Variants in ENPEP observed in about 807,000 individuals in gnomAD.
ENPEP encodes the protein AP-A.
Under a neutral mutation model 114.5 loss-of-function variants are expected in ENPEP, and 103 were observed. That is an observed-to-expected ratio of 0.90 (90% CI 0.77 to 1.06). ENPEP has a LOEUF of 1.06. Among genes scored for constraint, ENPEP ranks in the 50% least tolerant of loss-of-function variants. The pLI is 0.00. For synonymous variants in ENPEP, 420 were observed against 422.0 expected (o/e 1.00, Z 0.06); for missense variants, 1,196 against 1,161.3 (o/e 1.03, Z -0.43).
At chr4:110,516,027 G>T (rs1313813301) in intron 8 of ENPEP, among the ~76,000 whole-genome samples, 9 of 152,114 alleles carry the variant, frequency 5.9e-5, no homozygotes, top group Admixed American at 1.3e-4. Context: ...TCACACTGGG[G>T]GTTAGGGCTT....
chr4:110,539,200 T>C (rs976285638), intron 11 of ENPEP, among the ~76,000 whole-genome samples: 6 of 152,188 alleles, frequency 3.9e-5, no homozygotes, highest in Admixed American at 3.3e-4. Flanking sequence ...AAATGCAGTA[T>C]CTGCAAAGTG....
At chr4:110,501,872 C>T (rs1375779791) in intron 3 of ENPEP, among the ~76,000 whole-genome samples, 1 of 152,164 alleles carries the variant, frequency 6.6e-6, no homozygotes, top group Non-Finnish European at 1.5e-5. Flanking sequence ...AACTGCTTTC[C>T]ACAATGGATA....
chr4:110,546,152 C>A (rs750316528), intron 13 of ENPEP, among the ~76,000 whole-genome samples: 1 of 151,946 alleles, frequency 6.6e-6, no homozygotes, highest in Non-Finnish European at 1.5e-5. Flanking sequence ...GTTTCTCCAA[C>A]CTCTTTTATA....
intron 3 of ENPEP, among the ~76,000 whole-genome samples, chr4:110,498,371 G>A (rs941299129): frequency 1.3e-5 from 2 of 152,132 alleles, no homozygotes; most frequent in East Asian, 3.9e-4. Flanking sequence ...ACCTCAAGAG[G>A]TAAATGGTGC....
At position 110,519,993 on chromosome 4, in the gene ENPEP, A is replaced by AT. The variant is rs771137459; in HGVS notation, c.1510-9dup. The stretch of plus-strand genomic sequence containing the variant: ...AACATTGACTTCTAACATGCTGATT[A>AT]TTTTTTACACACAGATGTACTTGGA... On this transcript the variant is annotated splice_polypyrimidine_tract_variant and intron_variant, in intron 8 of 19. Coordinates refer to ENST00000265162, the MANE Select transcript of ENPEP (RefSeq NM_001977.4). 11 of 1,609,552 alleles carry AT rather than the reference A, an allele frequency of 6.8e-6. No individual in the cohort carries two copies. In the Admixed American group the frequency reaches 1.8e-4, roughly 27 times the overall value.
intron 3 of ENPEP, among the ~76,000 whole-genome samples, chr4:110,503,754 G>T (rs954525966): frequency 1.3e-5 from 2 of 152,096 alleles, no homozygotes; most frequent in African/African-American, 4.8e-5. Flanking sequence ...TTTCTTTCCT[G>T]GATGTTTTCA....
At chr4:110,485,081 C>A (rs1195254623) in intron 1 of ENPEP, among the ~76,000 whole-genome samples, 1 of 152,150 alleles carries the variant, frequency 6.6e-6, no homozygotes, top group African/African-American at 2.4e-5. Context: ...GAAAAGGCAG[C>A]TGACTAAACA....
At chr4:110,525,145 A>G (rs1726146166) in intron 10 of ENPEP, among the ~76,000 whole-genome samples, 1 of 152,250 alleles carries the variant, frequency 6.6e-6, no homozygotes. Context: ...CTGCATGAAT[A>G]CAACTTGCAC....
rs910292509 is a variant in ENPEP, at chr4:110,496,159, C to T, written c.918+4995C>T. ...CTTCTTACTTGCTTCCATCTTAGTC[C>T]GTTGTTTGCCTGGATTAGAAAGATA... On this transcript the variant is annotated intron_variant, in intron 3 of 19. Transcript: ENST00000265162. Among the ~76,000 whole-genome samples, 5 of 152,054 alleles carry T rather than the reference C, an allele frequency of 3.3e-5. No individual in the cohort carries two copies. The East Asian group carries it at 7.7e-4, about 23-fold the overall frequency.
chr4:110,498,487 G>T (rs1367473377), intron 3 of ENPEP, among the ~76,000 whole-genome samples: 1 of 151,998 alleles, frequency 6.6e-6, no homozygotes, highest in East Asian at 1.9e-4. Flanking sequence ...TAATAGAGGA[G>T]GTGTTATTAA....
At chr4:110,512,091 G>A (rs1377122113) in intron 6 of ENPEP, among the ~76,000 whole-genome samples, 1 of 152,098 alleles carries the variant, frequency 6.6e-6, no homozygotes, top group Non-Finnish European at 1.5e-5. Flanking sequence ...TTCAGCAAAT[G>A]GAGGACTCCA....
At chr4:110,554,090 A>G (rs567504798) in intron 18 of ENPEP, among the ~76,000 whole-genome samples, 2 of 152,124 alleles carry the variant, frequency 1.3e-5, no homozygotes, top group Admixed American at 6.6e-5. Flanking sequence ...TCTAAATATA[A>G]TGCACAATTT....
At chr4:110,555,346 A>C (rs3796880) in intron 18 of ENPEP, among the ~76,000 whole-genome samples, 12,364 of 152,114 alleles carry the variant, frequency 0.081, 553 homozygotes, top group South Asian at 0.14. Context: ...GCCAAACTTT[A>C]TCCAAATAAT....
Position 110,476,622 on chromosome 4 carries a change from C to T in ENPEP, c.208C>T (p.Pro70Ser), listed in dbSNP as rs753414298. ...TTCTTCCACGGCCAGCCCCTCAGGT[C>T]CTCCTGCCCAGGACCAGGACATCTG... is the stretch of plus-strand genomic sequence containing the variant. Reference protein sequence around the residue: ...LPSSTASPSGPPAQDQDICPA... With the variant: ...LPSSTASPSGSPAQDQDICPA... The change falls in exon 1 of 20, where the codon CCT becomes TCT. Residue 70 changes from proline to serine, a missense_variant. Transcript: ENST00000265162. 7.4e-6 allele frequency: 12 copies of T among 1,614,150 alleles called. No homozygotes were observed. The highest frequency in any genetic ancestry group is 9.3e-6 in the Non-Finnish European group (11 of 1,180,036).
chr4:110,533,973 G>C (rs1426548829), intron 11 of ENPEP, among the ~76,000 whole-genome samples: 1 of 152,170 alleles, frequency 6.6e-6, no homozygotes, highest in Non-Finnish European at 1.5e-5. Flanking sequence ...AATCATGTCT[G>C]GTCACTGAGC....
intron 3 of ENPEP, among the ~76,000 whole-genome samples, chr4:110,500,808 C>T (rs1027832121): frequency 1.3e-5 from 2 of 151,976 alleles, no homozygotes; most frequent in Non-Finnish European, 2.9e-5. Flanking sequence ...GGGGTAATTG[C>T]CTGAACTTTA....
At position 110,563,451 on chromosome 4, in the gene ENPEP, G is replaced by C. The variant is rs1372911321; in HGVS notation, c.*1893G>C. 1.3e-5 allele frequency: 2 copies of C among 152,108 alleles called. No individual in the cohort carries two copies. Among genetic ancestry groups the C allele is most frequent in the Non-Finnish European group, 2.9e-5 (2 of 67,974 alleles). The allele number at this position is 152,108 out of a possible 1,614,324, so 9.4% of individuals were successfully genotyped here. A position where few individuals can be genotyped will look rare whatever the true frequency, so the allele number is the denominator to read the frequency against. On this transcript the variant is annotated 3_prime_UTR_variant, in exon 20 of 20. Coordinates refer to ENST00000265162, the MANE Select transcript of ENPEP (RefSeq NM_001977.4). ...CACTCCACACGCGAAAGAGTTGTATGTACTTTGTCAGAATAAGTCTTCTAG... is the reference window on the plus strand; with the variant it reads ...CACTCCACACGCGAAAGAGTTGTATCTACTTTGTCAGAATAAGTCTTCTAG...
At chr4:110,510,402 G>T in intron 6 of ENPEP, 44 bp downstream of exon 6, 2 of 1,511,200 alleles carry the variant, frequency 1.3e-6, no homozygotes, top group Non-Finnish European at 1.8e-6. Context: ...TTTTCCTCAT[G>T]CAAAGCAGAT....
intron 18 of ENPEP, among the ~76,000 whole-genome samples, chr4:110,554,738 T>G (rs890194422): frequency 1.3e-5 from 2 of 151,996 alleles, no homozygotes; most frequent in Admixed American, 6.6e-5. Flanking sequence ...GCATATTTTG[T>G]TTTAGTTGAA....
Sources: gnomAD v4.1 joint callset for allele counts (sites outside exome capture counted in the v4.1 genomes callset) on GRCh38, gnomAD v4.1.1 for gene constraint, MANE v1.5 for transcripts, NCBI Gene and HGNC (gene_info 2026-07-23, HGNC 2026-07-21) for gene names.